The following CTNNA1 variants were observed in gnomAD, a reference collection of about 807,000 sequenced individuals.
The protein encoded by CTNNA1 is catenin alpha 1.
Under a neutral mutation model 98.4 loss-of-function variants are expected in CTNNA1, and 37 were observed. The observed-to-expected ratio is 0.38, with a 90% confidence interval of 0.29 to 0.49. CTNNA1 has a LOEUF of 0.49. Ranked by LOEUF, CTNNA1 falls within the 20% of genes least tolerant of loss-of-function variation. CTNNA1 has a pLI of 0.95. For synonymous variants in CTNNA1, 404 were observed against 413.2 expected (o/e 0.98, Z 0.27); for missense variants, 761 against 1,147.2 (o/e 0.66, Z 4.86).
At chr5:138,834,060 C>A (rs977976154) in intron 7 of CTNNA1, among the ~76,000 whole-genome samples, 1 of 152,130 alleles carries the variant, frequency 6.6e-6, no homozygotes, top group Admixed American at 6.5e-5. Context: ...TTTCAAAGAT[C>A]TTTTGAAAAG....
chr5:138,783,447 G>C, intron 3 of CTNNA1, 75 bp downstream of exon 3: 1 of 1,319,224 alleles, frequency 7.6e-7, no homozygotes. Flanking sequence ...TTTTTTTTGT[G>C]GTCAGTATTC....
chr5:138,829,833 C>T (rs1761083537), intron 7 of CTNNA1, among the ~76,000 whole-genome samples: 2 of 152,142 alleles, frequency 1.3e-5, no homozygotes, highest in Non-Finnish European at 2.9e-5. Flanking sequence ...AGACGGATCA[C>T]AAGGTCAGGA....
intron 10 of CTNNA1, among the ~76,000 whole-genome samples, chr5:138,908,342 C>G (rs28565109): frequency 0.023 from 3,480 of 152,218 alleles, 135 homozygotes; most frequent in African/African-American, 0.081. Context: ...CACTTTTTAG[C>G]AGTTAAACAA....
At chr5:138,835,140 A>G (rs1400606778) in intron 7 of CTNNA1, among the ~76,000 whole-genome samples, 1 of 152,218 alleles carries the variant, frequency 6.6e-6, no homozygotes, top group Non-Finnish European at 1.5e-5. Context: ...GAATGTCATC[A>G]GTTAAGGCAG....
At chr5:138,851,318 T>A (rs1431710694) in intron 7 of CTNNA1, among the ~76,000 whole-genome samples, 2 of 152,152 alleles carry the variant, frequency 1.3e-5, no homozygotes, top group Non-Finnish European at 2.9e-5. Context: ...CTTCACATCC[T>A]CCAGAGGTTG....
intron 11 of CTNNA1, among the ~76,000 whole-genome samples, chr5:138,919,794 C>T (rs1406124817): frequency 1.3e-5 from 2 of 152,080 alleles, no homozygotes; most frequent in African/African-American, 2.4e-5. Flanking sequence ...AGGAATGTTA[C>T]GTAATTAAAT....
intron 9 of CTNNA1, among the ~76,000 whole-genome samples, chr5:138,892,483 T>A (rs1755668977): frequency 6.6e-6 from 1 of 151,334 alleles, no homozygotes; most frequent in African/African-American, 2.4e-5. Context: ...GGATTACAGG[T>A]GCCTGCTGTC....
At chr5:138,792,077 A>G (rs1452563771) in intron 3 of CTNNA1, among the ~76,000 whole-genome samples, 1 of 152,040 alleles carries the variant, frequency 6.6e-6, no homozygotes, top group Non-Finnish European at 1.5e-5. Flanking sequence ...TAATGGAGAG[A>G]CATTCTTTTA....
intron 9 of CTNNA1, among the ~76,000 whole-genome samples, chr5:138,892,345 T>C (rs1342386512): frequency 1.5e-5 from 2 of 135,966 alleles, no homozygotes; most frequent in African/African-American, 5.6e-5. Context: ...TTTTTTTTTT[T>C]TTTTTTTTTT....
intron 5 of CTNNA1, among the ~76,000 whole-genome samples, chr5:138,820,000 C>T (rs1235572944): frequency 3.3e-5 from 5 of 151,962 alleles, no homozygotes; most frequent in Admixed American, 2.0e-4. Context: ...TGCTCTGTGC[C>T]ATGATTGTAA....
At chr5:138,801,935 C>T (rs1034500621) in intron 3 of CTNNA1, among the ~76,000 whole-genome samples, 2 of 152,112 alleles carry the variant, frequency 1.3e-5, no homozygotes, top group Non-Finnish European at 2.9e-5. Flanking sequence ...GCAAACTTCT[C>T]GACTTAAATG....
intron 9 of CTNNA1, among the ~76,000 whole-genome samples, chr5:138,900,047 ATTTC>A (rs1757699628): frequency 6.6e-6 from 1 of 152,120 alleles, no homozygotes; most frequent in Non-Finnish European, 1.5e-5. Flanking sequence ...GCTTATCATC[ATTTC>A]CCCTGTGGGT....
rs1182894497 is a variant in CTNNA1, at chr5:138,827,439, T to C, written c.859-76T>C. ...TTTTTGTGTTAAATCTTGATATTAC[T>C]AATAACACTTTTCTCACCTTGAATA... is the stretch of plus-strand genomic sequence containing the variant. On this transcript the variant is annotated intron_variant, in intron 6 of 17. Coordinates refer to ENST00000302763, the MANE Select transcript of CTNNA1 (RefSeq NM_001903.5). The C allele has an allele frequency of 2.0e-6, 3 of 1,505,904 alleles. No homozygotes were observed. In the Admixed American group the frequency reaches 5.3e-5, roughly 26 times the overall value. The allele number at this position is 1,505,904 out of a possible 1,614,324, so 93.3% of individuals were successfully genotyped here.
chr5:138,875,825 CT>C, intron 7 of CTNNA1: 1 of 709,154 alleles, frequency 1.4e-6, no homozygotes. Flanking sequence ...CTATGATTTG[CT>C]TTAGATGTGT....
At chr5:138,862,238 T>G (rs552514672) in intron 7 of CTNNA1, among the ~76,000 whole-genome samples, 2 of 152,312 alleles carry the variant, frequency 1.3e-5, no homozygotes, top group East Asian at 3.9e-4. Context: ...TAAATTCTCA[T>G]ACCTCTCCTG....
chr5:138,793,916 A>AG (rs1217116024), intron 3 of CTNNA1, among the ~76,000 whole-genome samples: 2 of 152,004 alleles, frequency 1.3e-5, no homozygotes, highest in African/African-American at 2.4e-5. Flanking sequence ...GGGATGGGGA[A>AG]GGGGGGGAAG....
chr5:138,928,528 C>T (rs1415171989), intron 13 of CTNNA1, among the ~76,000 whole-genome samples: 8 of 152,170 alleles, frequency 5.3e-5, no homozygotes, highest in African/African-American at 4.8e-5. Context: ...TATACAAATC[C>T]GCTTAATACT....
intron 7 of CTNNA1, among the ~76,000 whole-genome samples, chr5:138,881,359 G>A (rs1411596419): frequency 6.6e-6 from 1 of 152,200 alleles, no homozygotes; most frequent in Non-Finnish European, 1.5e-5. Flanking sequence ...CTTAGGCAGA[G>A]CCCACCAGCC....
intron 3 of CTNNA1, among the ~76,000 whole-genome samples, chr5:138,799,281 C>T (rs1757294595): frequency 6.6e-6 from 1 of 152,140 alleles, no homozygotes; most frequent in African/African-American, 2.4e-5. Context: ...CTGCCTCTGC[C>T]TCCTGAGTAG....
Sources: allele counts gnomAD v4.1 joint callset (sites outside exome capture counted in the v4.1 genomes callset), GRCh38; gene constraint gnomAD v4.1.1; transcripts MANE v1.5; gene names NCBI Gene and HGNC (gene_info 2026-07-23, HGNC 2026-07-21).